The following GRID2 variants were observed in gnomAD, a reference collection of about 807,000 sequenced individuals.
GRID2 encodes the protein glutamate receptor ionotropic, delta-2.
GRID2 carries 33 observed loss-of-function variants against 114.8 expected under a neutral mutation model. That is an observed-to-expected ratio of 0.29 (90% confidence interval 0.22 to 0.38). GRID2 has a LOEUF of 0.38. Among genes scored for constraint, GRID2 ranks in the 10% least tolerant of loss-of-function variants. The pLI, the probability that GRID2 is intolerant of heterozygous loss-of-function variation, is 1.00. For synonymous variants in GRID2, 505 were observed against 449.9 expected (o/e 1.12, Z -1.55); for missense variants, 1,184 against 1,257.7 (o/e 0.94, Z 0.89).
intron 12 of GRID2, among the ~76,000 whole-genome samples, chr4:93,508,046 T>C (rs563319062): frequency 6.6e-6 from 1 of 151,956 alleles, no homozygotes; most frequent in Non-Finnish European, 1.5e-5. Flanking sequence ...TTAGGAGATA[T>C]ACCTAATGCT....
At chr4:92,552,381 T>C (rs1467627166) in intron 1 of GRID2, among the ~76,000 whole-genome samples, 1 of 152,188 alleles carries the variant, frequency 6.6e-6, no homozygotes, top group Admixed American at 6.5e-5. Context: ...GCAGATACTT[T>C]GTGACATTTG....
Position 92,471,996 on chromosome 4 carries a change from G to C in GRID2, c.89-118135G>C, listed in dbSNP as rs1465989865. On this transcript the variant is annotated intron_variant, in intron 1 of 15. Coordinates refer to ENST00000282020, the MANE Select transcript of GRID2 (RefSeq NM_001510.4). ...TCGCCCAGGCTGGAGTGCAGTGGCG[G>C]GATCTCGGCTCACTGCAAGCTCCGC... Among the ~76,000 whole-genome samples, 88 of 115,574 alleles carry C rather than the reference G, an allele frequency of 7.6e-4. 17 individuals are homozygous for C. Among genetic ancestry groups the C allele is most frequent in the Non-Finnish European group, 1.2e-3 (67 of 55,766 alleles). 75.8% of individuals were successfully genotyped at this position (115,574 alleles called of 152,430 possible).
At chr4:93,232,325 A>G (rs531317942) in intron 7 of GRID2, among the ~76,000 whole-genome samples, 29 of 152,230 alleles carry the variant, frequency 1.9e-4, no homozygotes, top group African/African-American at 5.3e-4. Flanking sequence ...CTAAAATGTA[A>G]TAGATGTTTA....
chr4:92,476,863 G>A (rs1438227543), intron 1 of GRID2, among the ~76,000 whole-genome samples: 2 of 152,068 alleles, frequency 1.3e-5, no homozygotes, highest in Non-Finnish European at 2.9e-5. Flanking sequence ...ATTTAGGAAC[G>A]AAAATGTGAC....
intron 1 of GRID2, among the ~76,000 whole-genome samples, chr4:92,578,921 C>T (rs1728040253): frequency 1.3e-5 from 2 of 152,174 alleles, no homozygotes; most frequent in Non-Finnish European, 2.9e-5. Flanking sequence ...CATCTATTTA[C>T]CAAAAAACCA....
rs143099588 is a variant in GRID2, at chr4:93,236,351, G to A, written c.1126-2020G>A. On this transcript the variant is annotated intron_variant, in intron 7 of 15. Transcript: ENST00000282020. ...GGAGACATTCTGCATGGCTCCCCAG[G>A]TTCTTTCTTCCCACACTGGAAATGC... 2.5e-3 allele frequency among the ~76,000 whole-genome samples: 373 copies of A among 152,112 alleles called. 2 individuals are homozygous for A. The highest frequency in any genetic ancestry group is 8.5e-3 in the African/African-American group (353 of 41,554).
chr4:92,838,590 CA>C (rs929770662), intron 2 of GRID2, among the ~76,000 whole-genome samples: 31 of 152,026 alleles, frequency 2.0e-4, no homozygotes, highest in African/African-American at 7.0e-4. Context: ...AATTTGAAAC[CA>C]AAAGGCTGAA....
chr4:93,042,266 TC>T (rs1725598517), intron 2 of GRID2, among the ~76,000 whole-genome samples: 1 of 82,054 alleles, frequency 1.2e-5, no homozygotes, highest in African/African-American at 5.1e-5. Context: ...TCTCTCTCTC[TC>T]TCTCTCTTTC....
At chr4:93,216,938 T>G in intron 6 of GRID2, 27 bp downstream of exon 6, 1 of 1,544,406 alleles carries the variant, frequency 6.5e-7, no homozygotes, top group East Asian at 2.3e-5. Context: ...AGGATATTTC[T>G]TCCAGGGTGC....
chr4:93,515,128 T>C (rs1729579334), intron 12 of GRID2, 88 bp from the exon 13 acceptor site: 3 of 515,666 alleles, frequency 5.8e-6, no homozygotes, highest in South Asian at 9.5e-5. Flanking sequence ...TCCACACATA[T>C]TGCCTTTTTT....
intron 2 of GRID2, among the ~76,000 whole-genome samples, chr4:92,941,046 G>C (rs570400130): frequency 6.0e-4 from 92 of 152,120 alleles, no homozygotes; most frequent in African/African-American, 2.1e-3. Context: ...TGTTGTGTCT[G>C]TGCCAGACTT....
intron 2 of GRID2, among the ~76,000 whole-genome samples, chr4:92,864,499 A>G (rs1168284318): frequency 6.6e-6 from 1 of 152,192 alleles, no homozygotes. Flanking sequence ...CATGCAGGTC[A>G]TGCATCAAGG....
chr4:92,485,323 TATATATATATATATATATATATATA>T (rs1482956138), intron 1 of GRID2, among the ~76,000 whole-genome samples: 6 of 96,884 alleles, frequency 6.2e-5, no homozygotes, highest in Non-Finnish European at 1.1e-4. Context: ...TATATATATA[TATATATATATATATATATATATATA>T]GTGTGTGTGT....
At chr4:93,451,355 TG>T (rs1722664612) in intron 10 of GRID2, among the ~76,000 whole-genome samples, 1 of 152,036 alleles carries the variant, frequency 6.6e-6, no homozygotes, top group Admixed American at 6.6e-5. Flanking sequence ...CCTGTGAAAA[TG>T]AAAATCAAGC....
intron 14 of GRID2, among the ~76,000 whole-genome samples, chr4:93,691,961 T>C (rs531157790): frequency 1.3e-5 from 2 of 152,170 alleles, no homozygotes; most frequent in African/African-American, 4.8e-5. Context: ...GTCCTAACCA[T>C]ATTCATTCAT....
At chr4:93,558,065 A>G (rs1380929504) in intron 13 of GRID2, among the ~76,000 whole-genome samples, 2 of 152,230 alleles carry the variant, frequency 1.3e-5, no homozygotes, top group Admixed American at 6.5e-5. Context: ...ATGTACCAGA[A>G]TACGTAGGAC....
chr4:92,334,616 A>G (rs183607341), intron 1 of GRID2, among the ~76,000 whole-genome samples: 131 of 152,238 alleles, frequency 8.6e-4, no homozygotes, highest in African/African-American at 2.9e-3. Context: ...CACTCTGGCA[A>G]TAATGAACCC....
At chr4:93,463,724 T>G (rs2149423597) in intron 11 of GRID2, among the ~76,000 whole-genome samples, 1 of 151,970 alleles carries the variant, frequency 6.6e-6, no homozygotes, top group African/African-American at 2.4e-5. Flanking sequence ...GCGCGGTGGC[T>G]CACGCCTGTA....
intron 10 of GRID2, among the ~76,000 whole-genome samples, chr4:93,439,873 A>T (rs1018688639): frequency 6.6e-6 from 1 of 152,032 alleles, no homozygotes; most frequent in Non-Finnish European, 1.5e-5. Context: ...CATAAAGTCG[A>T]GCCTATCTCT....
Sources: gnomAD v4.1 joint callset for allele counts (sites outside exome capture counted in the v4.1 genomes callset) on GRCh38, gnomAD v4.1.1 for gene constraint, MANE v1.5 for transcripts, NCBI Gene and HGNC (gene_info 2026-07-23, HGNC 2026-07-21) for gene names.